The following ANKRD53 variants were observed in gnomAD, a reference collection of about 807,000 sequenced individuals.
ANKRD53 encodes the protein ankyrin repeat domain 53, also known as ankyrin repeat domain-containing protein 53.
ANKRD53 carries 27 observed loss-of-function variants against 30.1 expected under a neutral mutation model. The ratio of observed to expected loss-of-function variants is 0.90; its 90% CI spans 0.66 to 1.24. The LOEUF is 1.24. Among genes scored for constraint, ANKRD53 ranks in the 50% most tolerant of loss-of-function variants. ANKRD53 has a pLI of 0.00. For missense variants in ANKRD53, 682 were observed against 721.0 expected, an observed-to-expected ratio of 0.95 and a Z score of 0.62; for synonymous variants, 286 against 295.4, an observed-to-expected ratio of 0.97 and a Z score of 0.33.
In ANKRD53 at chr2:70,979,321, G is replaced by C. The variant is rs1553423083; in HGVS notation, c.395G>C (p.Arg132Thr). 1 of 1,613,498 alleles carries C rather than the reference G, an allele frequency of 6.2e-7. No homozygotes were observed. Among genetic ancestry groups the C allele is most frequent in the African/African-American group, 1.3e-5 (1 of 74,946 alleles). ...WLRFCLNQSL[R>T]EIPTDDKGFT... ...CGATTCTGTCTGAACCAGAGCCTCA[G>C]GGAAATCCCCACCGACGACAAGGTA... is the stretch of plus-strand genomic sequence containing the variant. The change falls in exon 2 of 6, where the codon AGG becomes ACG. Residue 132 changes from arginine (R) to threonine (T), a missense_variant. Physicochemically the swap from Arg to Thr is moderately conservative, Grantham distance 71. Transcript: ENST00000360589.
chr2:70,982,098 C>A lies in ANKRD53; in HGVS notation c.780C>A (p.Ala260=). ...AAATATGGAACCACCGTGCCTGTGC[C>A]CGGTGAGAGTGTGAGAACCACCTGG... ...FCKIWNHRAC[A]RFLKDAMWKK... Residue 260 remains alanine (A), a splice_region_variant and synonymous_variant, in exon 4 of 6, where the codon GCC becomes GCA. Coordinates refer to ENST00000360589, the MANE Select transcript of ANKRD53 (RefSeq NM_001115116.2). The surrounding 1 kb of genome is among the most constrained non-coding windows in gnomAD (Gnocchi z 4.2). 6.2e-7 allele frequency: 1 copy of A among 1,602,164 alleles called. No individual in the cohort carries two copies. The highest frequency in any genetic ancestry group is 8.5e-7 in the Non-Finnish European group (1 of 1,173,468).
In ANKRD53 at chr2:70,982,363, A is replaced by G; in HGVS notation, c.783-214A>G. ...CTGGGGCCCCTGGCTCCTCAGCAGG[A>G]GGGTGGTGACCAGGTCATCAAGGAC... On this transcript the variant is annotated intron_variant, in intron 4 of 5. Transcript: ENST00000360589. The surrounding 1 kb of genome is among the most constrained non-coding windows in gnomAD (Gnocchi z 4.2). The G allele has an allele frequency of 1.3e-6, 1 of 763,252 alleles. No individual in the cohort carries two copies. Among genetic ancestry groups the G allele is most frequent in the Non-Finnish European group, 2.0e-6 (1 of 491,112 alleles). The allele number at this position is 763,252 out of a possible 1,614,324, so 47.3% of individuals were successfully genotyped here.
At position 70,984,922 on chromosome 2, in the gene ANKRD53, C is replaced by T; in HGVS notation, c.1215C>T (p.Gly405=). 6.4e-7 allele frequency: 1 copy of T among 1,550,896 alleles called. No individual in the cohort carries two copies. Among genetic ancestry groups the T allele is most frequent in the South Asian group, 1.2e-5 (1 of 84,062 alleles). ...PPTTQISHSQ[G]IRLGVHPDPT... ...CCACCCAGATCAGCCACTCGCAGGGCATCCGCCTGGGCGTGCATCCAGACC... is the reference window on the plus strand; with the variant it reads ...CCACCCAGATCAGCCACTCGCAGGGTATCCGCCTGGGCGTGCATCCAGACC... The change falls in exon 6 of 6, where the codon GGC becomes GGT. Residue 405 remains glycine, a synonymous_variant. Transcript: ENST00000360589.
chr2:70,982,095 T>C lies in ANKRD53; in HGVS notation c.777T>C (p.Cys259=). 2 of 1,604,462 alleles carry C rather than the reference T, an allele frequency of 1.2e-6. No individual in the cohort carries two copies. The highest frequency in any genetic ancestry group is 2.2e-5 in the South Asian group (2 of 89,322). ...GCAAAATATGGAACCACCGTGCCTGTGCCCGGTGAGAGTGTGAGAACCACC... is the reference window on the plus strand; with the variant it reads ...GCAAAATATGGAACCACCGTGCCTGCGCCCGGTGAGAGTGTGAGAACCACC... The part of the protein sequence containing the change: ...DFCKIWNHRA[C]ARFLKDAMWK... Residue 259 remains cysteine (C), a synonymous_variant, in exon 4 of 6, where the codon TGT becomes TGC. Transcript: ENST00000360589. The surrounding 1 kb of genome is among the most constrained non-coding windows in gnomAD (Gnocchi z 4.2).
chr2:70,984,316 G>A, intron 5 of ANKRD53: 2 of 1,612,804 alleles, frequency 1.2e-6, no homozygotes, highest in Non-Finnish European at 1.7e-6. Flanking sequence ...TCTCACCTAG[G>A]GCAGAGGCTA....
Position 70,979,783 on chromosome 2 carries a change from C to T in ANKRD53, c.540C>T (p.Leu180=), listed in dbSNP as rs143137377. The T allele has an allele frequency of 5.5e-4, 888 of 1,614,134 alleles. No individual in the cohort carries two copies. Among genetic ancestry groups the T allele is most frequent in the Non-Finnish European group, 7.1e-4 (843 of 1,180,054 alleles). ...LTNNSQTPLH[L]VIHRDNTTVA... ...ACAATAGCCAGACACCCCTGCACCT[C>T]GTCATCCACAGGGACAACACCACCG... The change falls in exon 3 of 6, where the codon CTC becomes CTT. Residue 180 remains leucine (L), a synonymous_variant. Coordinates refer to ENST00000360589, the MANE Select transcript of ANKRD53 (RefSeq NM_001115116.2).
intron 3 of ANKRD53, among the ~76,000 whole-genome samples, chr2:70,981,264 G>A (rs1380199948): frequency 6.6e-6 from 1 of 152,164 alleles, no homozygotes; most frequent in African/African-American, 2.4e-5. Context: ...TCACGAAGCT[G>A]ACATTCTAGT....
chr2:70,984,869 G>A lies in ANKRD53; in HGVS notation c.1162G>A (p.Val388Ile), dbSNP rs1553424447. 3 of 1,551,190 alleles carry A rather than the reference G, an allele frequency of 1.9e-6. No homozygotes were observed. The highest frequency in any genetic ancestry group is 1.4e-5 in the African/African-American group (1 of 73,056). Residue 388 changes from valine (V) to isoleucine (I), a missense_variant, in exon 6 of 6, where the codon GTT becomes ATT. By Grantham distance (29) the Val-to-Ile change is conservative. Coordinates refer to ENST00000360589, the MANE Select transcript of ANKRD53 (RefSeq NM_001115116.2). ...GGTCAAGCGGCCCACAATGTGGAAT[G>A]TTAGCAACAACCCCGCCAGACCCCC... The part of the protein sequence containing the change: ...PTVKRPTMWN[V>I]SNNPARPPTT...
intron 5 of ANKRD53, among the ~76,000 whole-genome samples, chr2:70,983,750 T>C (rs1342475105): frequency 6.6e-6 from 1 of 152,158 alleles, no homozygotes; most frequent in Non-Finnish European, 1.5e-5. Flanking sequence ...TTCGATCAAG[T>C]GTCCATTCTC....
Position 70,982,802 on chromosome 2 carries a change from C to T in ANKRD53, c.903+105C>T, listed in dbSNP as rs782480094. 6.6e-5 allele frequency: 96 copies of T among 1,463,070 alleles called. No individual in the cohort carries two copies. The highest frequency in any genetic ancestry group is 8.5e-5 in the Non-Finnish European group (93 of 1,092,384). The allele number at this position is 1,463,070 out of a possible 1,614,324, so 90.6% of individuals were successfully genotyped here. A position where few individuals can be genotyped will look rare whatever the true frequency, so the allele number is the denominator to read the frequency against. On this transcript the variant is annotated intron_variant, in intron 5 of 5. Coordinates refer to ENST00000360589, the MANE Select transcript of ANKRD53 (RefSeq NM_001115116.2). The surrounding 1 kb of genome is among the most constrained non-coding windows in gnomAD (Gnocchi z 4.2). ...GGAGGAGTGGCTAGAAGCACTCCCACCCTGAAAGAGCCACCCTTTCGCCTG... is the reference window on the plus strand; with the variant it reads ...GGAGGAGTGGCTAGAAGCACTCCCATCCTGAAAGAGCCACCCTTTCGCCTG...
rs782167877 is a variant in ANKRD53 at position 70,982,731 on chromosome 2, T to C, written c.903+34T>C. Reference sequence around the variant, plus strand: ...GACAGCAGGGGGGCCAGGGGACAGCTGCTATCCAGGCATGTGAGCAGAGGG... The same window carrying C: ...GACAGCAGGGGGGCCAGGGGACAGCCGCTATCCAGGCATGTGAGCAGAGGG... On this transcript the variant is annotated intron_variant, in intron 5 of 5. Transcript: ENST00000360589. The surrounding 1 kb of genome is among the most constrained non-coding windows in gnomAD (Gnocchi z 4.2). 3 of 1,610,304 alleles carry C rather than the reference T, an allele frequency of 1.9e-6. No individual in the cohort carries two copies. Among genetic ancestry groups the C allele is most frequent in the Non-Finnish European group, 2.5e-6 (3 of 1,177,858 alleles).
Position 70,985,001 on chromosome 2 carries a change from G to A in ANKRD53, c.1294G>A (p.Gly432Ser), listed in dbSNP as rs1430023046. 13 of 1,549,084 alleles carry A rather than the reference G, an allele frequency of 8.4e-6. No homozygotes were observed. Among genetic ancestry groups the A allele is most frequent in the South Asian group, 7.1e-5 (6 of 83,948 alleles). Residue 432 changes from glycine (G) to serine (S), a missense_variant, in exon 6 of 6, where the codon GGC becomes AGC. Physicochemically the swap from Gly to Ser is moderately conservative, Grantham distance 56. Transcript: ENST00000360589. The stretch of plus-strand genomic sequence containing the variant: ...CCTGGAGGTGAGGCCTGATGGGCAC[G>A]GCGGTGCGCGGCTGCACACAGTGGA... ...SFLEVRPDGH[G>S]GARLHTVDGH...
At chr2:70,981,843 G>A (rs1670017394) in intron 3 of ANKRD53, 93 bp from the exon 4 acceptor site, 1 of 1,374,480 alleles carries the variant, frequency 7.3e-7, no homozygotes, top group African/African-American at 1.5e-5. Context: ...TGGTAGAGCA[G>A]GGCTTGGAAA....
Position 70,981,976 on chromosome 2 carries a change from C to T in ANKRD53, c.658C>T (p.Arg220Cys), listed in dbSNP as rs782811822. ...CTCCACGCCCCTGCACCTGGCAGCCCGTGACGGCTTGCTGGACTGTGTGAA... is the reference window on the plus strand; with the variant it reads ...CTCCACGCCCCTGCACCTGGCAGCCTGTGACGGCTTGCTGGACTGTGTGAA... ...NGSTPLHLAA[R>C]DGLLDCVKVL... The change falls in exon 4 of 6, where the codon CGT (arginine) becomes TGT (cysteine). Residue 220 changes from arginine (R) to cysteine (C), a missense_variant. By Grantham distance (180) the Arg-to-Cys change is radical. Transcript: ENST00000360589. The T allele has an allele frequency of 3.9e-5, 62 of 1,610,082 alleles. No homozygotes were observed. Among genetic ancestry groups the T allele is most frequent in the Middle Eastern group, 1.6e-4 (1 of 6,064 alleles).
At chr2:70,980,700 C>T (rs1553423486) in intron 3 of ANKRD53, among the ~76,000 whole-genome samples, 1 of 152,092 alleles carries the variant, frequency 6.6e-6, no homozygotes, top group African/African-American at 2.4e-5. Flanking sequence ...AATCCCAGCA[C>T]TTTGGGAGGC....
At chr2:70,980,672 G>A (rs999997051) in intron 3 of ANKRD53, among the ~76,000 whole-genome samples, 3 of 152,094 alleles carry the variant, frequency 2.0e-5, no homozygotes, top group African/African-American at 4.8e-5. Flanking sequence ...TAGGCTGGCC[G>A]CAGTGGCTCA....
At position 70,978,771 on chromosome 2, in the gene ANKRD53, C is replaced by T. The variant is rs368629203; in HGVS notation, c.126C>T (p.Val42=). The part of the protein sequence containing the change: ...PSGSMQQANK[V]SLKATWTDAE... ...GCTCCATGCAGCAGGCGAACAAAGTCTCCTTGAAGGCCACCTGGACTGACG... is the reference window on the plus strand; with the variant it reads ...GCTCCATGCAGCAGGCGAACAAAGTTTCCTTGAAGGCCACCTGGACTGACG... The change falls in exon 1 of 6, where the codon GTC becomes GTT. Residue 42 remains valine (V), a synonymous_variant. Coordinates refer to ENST00000360589, the MANE Select transcript of ANKRD53 (RefSeq NM_001115116.2). This position sits in a 1 kb window ranked among gnomAD's most constrained non-coding sequence, Gnocchi z 4.3. 22 of 1,571,720 alleles carry T rather than the reference C, an allele frequency of 1.4e-5. No homozygotes were observed. Among genetic ancestry groups the T allele is most frequent in the Non-Finnish European group, 1.9e-5 (22 of 1,159,344 alleles).
At position 70,984,961 on chromosome 2, in the gene ANKRD53, C is replaced by A; in HGVS notation, c.1254C>A (p.His418Gln). Reference protein sequence around the residue: ...LGVHPDPTPEHDFSSFLEVRP... With the variant: ...LGVHPDPTPEQDFSSFLEVRP... The stretch of plus-strand genomic sequence containing the variant: ...TGCATCCAGACCCCACTCCGGAGCA[C>A]GACTTCAGCAGCTTCCTGGAGGTGA... The change falls in exon 6 of 6, where the codon CAC becomes CAA. Residue 418 changes from histidine (H) to glutamine (Q), a missense_variant. Transcript: ENST00000360589. 1.9e-6 allele frequency: 3 copies of A among 1,550,090 alleles called. No individual in the cohort carries two copies. Among genetic ancestry groups the A allele is most frequent in the Non-Finnish European group, 2.6e-6 (3 of 1,146,610 alleles).
chr2:70,980,716 C>T (rs1341053577), intron 3 of ANKRD53, among the ~76,000 whole-genome samples: 1 of 152,114 alleles, frequency 6.6e-6, no homozygotes, highest in Non-Finnish European at 1.5e-5. Context: ...GAGGCTGGGG[C>T]GAGCGGATCA....
Sources: gnomAD v4.1 joint callset for allele counts (sites outside exome capture counted in the v4.1 genomes callset) on GRCh38, gnomAD v4.1.1 for gene constraint, Gnocchi (gnomAD v3.1) non-coding constraint, MANE v1.5 for transcripts, NCBI Gene and HGNC (gene_info 2026-07-23, HGNC 2026-07-21) for gene names.